The following IDH3G variants were observed in gnomAD, a reference collection of about 807,000 sequenced individuals.
The protein encoded by IDH3G is isocitrate dehydrogenase (NAD(+)) 3 non-catalytic subunit gamma.
Under a neutral mutation model 26.9 loss-of-function variants are expected in IDH3G, and 9 were observed. The ratio of observed to expected loss-of-function variants is 0.34; its 90% CI spans 0.20 to 0.58. The LOEUF is 0.58. Ranked by LOEUF, IDH3G falls within the 20% of genes least tolerant of loss-of-function variation. The probability of loss-of-function intolerance (pLI) is 0.85; values close to 1 mark genes in which losing one functional copy is unlikely to be tolerated. For missense variants in IDH3G, 250 were observed against 372.8 expected (o/e 0.67, Z 2.71); for synonymous variants, 181 against 160.0 (o/e 1.13, Z -0.99).
chrX:153,786,112 T>C, intron 12 of IDH3G, 100 bp downstream of exon 12: 2 of 1,195,859 alleles, frequency 1.7e-6, no homozygotes, highest in Non-Finnish European at 2.3e-6. Context: ...TCCAGTACCA[T>C]CCTCCCCTGG....
intron 4 of IDH3G, 118 bp from the exon 5 acceptor site, chrX:153,789,942 G>T: frequency 1.9e-6 from 1 of 521,917 alleles, no homozygotes; most frequent in Non-Finnish European, 3.3e-6. Context: ...TGACTGAGAA[G>T]GGACTGGGCC....
In IDH3G at chrX:153,789,992, A is replaced by AT. The variant is rs782481295; in HGVS notation, c.234-169dup. 1.9e-4 allele frequency: 92 copies of AT among 479,347 alleles called. No homozygotes were observed. The South Asian group carries it at 2.7e-3, about 14-fold the overall frequency. The allele number at this position is 479,347 out of a possible 1,213,427, so 39.5% of individuals were successfully genotyped here. On this transcript the variant is annotated intron_variant, in intron 4 of 12. Coordinates refer to ENST00000217901, the MANE Select transcript of IDH3G (RefSeq NM_004135.4). ...GATGGGGACACGCTTGAACTCCACAATGCACACTGTGGCAGGACTGGTGCC... is the reference window on the plus strand; with the variant it reads ...GATGGGGACACGCTTGAACTCCACAATTGCACACTGTGGCAGGACTGGTGCC...
chrX:153,788,782 CT>C (rs1467014564), intron 5 of IDH3G, among the ~76,000 whole-genome samples: 8 of 112,893 alleles, frequency 7.1e-5, no homozygotes, highest in Admixed American at 6.5e-4. Context: ...GGGCCTGGGG[CT>C]CCCCCTGGGT....
intron 12 of IDH3G, 90 bp from the exon 13 acceptor site, chrX:153,786,063 G>A: frequency 8.3e-7 from 1 of 1,203,838 alleles, no homozygotes; most frequent in East Asian, 3.0e-5. Flanking sequence ...GCCACAGGAG[G>A]GAAGTGGCAC....
chrX:153,790,173 CG>C, intron 4 of IDH3G, 21 bp downstream of exon 4: 1 of 1,164,712 alleles, frequency 8.6e-7, no homozygotes, highest in Non-Finnish European at 1.2e-6. Flanking sequence ...GAGGACAAGG[CG>C]GGGACCCAGG....
intron 10 of IDH3G, among the ~76,000 whole-genome samples, 156 bp downstream of exon 10, chrX:153,786,645 G>A (rs1412345178): frequency 8.9e-6 from 1 of 112,761 alleles, no homozygotes; most frequent in African/African-American, 3.2e-5. Context: ...AAAATGTTCT[G>A]GAATGACCTG....
At position 153,788,098 on chromosome X, in the gene IDH3G, G is replaced by T; in HGVS notation, c.384C>A (p.His128Gln). 8.3e-7 allele frequency: 1 copy of T among 1,212,039 alleles called. No homozygotes were observed. ...IETNHNLPPS[H>Q]KSRNNILRTS... Reference sequence around the variant, plus strand: ...ACCGAAGGATGTTGTTTCGAGATTTGTGCGACGGTGGCAGGTTATGGTTGG... The same window carrying T: ...ACCGAAGGATGTTGTTTCGAGATTTTTGCGACGGTGGCAGGTTATGGTTGG... The change falls in exon 6 of 13, where the codon CAC becomes CAA. Residue 128 changes from histidine (H) to glutamine (Q), a missense_variant. His to Gln is a conservative substitution (Grantham distance 24, BLOSUM62 0). This residue lies in a region of IDH3G where 201 missense variants were observed against 331.3 expected (regional missense o/e 0.61). Coordinates refer to ENST00000217901, the MANE Select transcript of IDH3G (RefSeq NM_004135.4).
At chrX:153,786,981 G>T in intron 9 of IDH3G, 34 bp from the exon 10 acceptor site, 1 of 1,203,381 alleles carries the variant, frequency 8.3e-7, no homozygotes, top group Non-Finnish European at 1.1e-6. Context: ...CTGAGGAGCA[G>T]ATTCGGAAGC....
In IDH3G at chrX:153,791,054, G is replaced by A. The variant is rs190768939; in HGVS notation, c.82-203C>T. On this transcript the variant is annotated intron_variant, in intron 1 of 12. Transcript: ENST00000217901. Reference sequence around the variant, plus strand: ...CTGGAGCACCTGGAAAGTAGAAGGCGCTCCAGCCTCCTGCCTCCTTCCGCT... The same window carrying A: ...CTGGAGCACCTGGAAAGTAGAAGGCACTCCAGCCTCCTGCCTCCTTCCGCT... 11 of 387,705 alleles carry A rather than the reference G, an allele frequency of 2.8e-5. No homozygotes were observed. In the East Asian group the frequency reaches 2.9e-4, roughly 10 times the overall value. 32.0% of individuals were successfully genotyped at this position (387,705 alleles called of 1,213,427 possible).
intron 3 of IDH3G, 21 bp downstream of exon 3, chrX:153,790,543 C>T (rs782203483): frequency 8.3e-7 from 1 of 1,199,817 alleles, no homozygotes; most frequent in Non-Finnish European, 1.1e-6. Context: ...CCAAACCTAA[C>T]AGGCAGAGAA....
chrX:153,793,551 A>C (rs1384448517), intron 1 of IDH3G: 1 of 112,231 alleles, frequency 8.9e-6, no homozygotes, highest in Non-Finnish European at 1.9e-5. Flanking sequence ...CATGGCCTAG[A>C]GGTCAAACCT....
At chrX:153,789,084 C>G (rs1260100585) in intron 5 of IDH3G, 3 of 340,124 alleles carry the variant, frequency 8.8e-6, no homozygotes, top group Non-Finnish European at 1.8e-5. Context: ...GAGCCCGTCA[C>G]TGGACAGGCT....
rs1557069576 is a variant in IDH3G at position 153,787,874 on chromosome X, G to A, written c.489C>T (p.Ile163=). ...CCTCTGTGTTCTCCCGGACAATGAG[G>A]ATGTCTATGTCCTTGTGCCGGGTCA... ...GVVTRHKDID[I]LIVRENTEGE... Residue 163 remains isoleucine (I), a synonymous_variant, in exon 7 of 13, where the codon ATC becomes ATT. Coordinates refer to ENST00000217901, the MANE Select transcript of IDH3G (RefSeq NM_004135.4). 3 of 1,209,086 alleles carry A rather than the reference G, an allele frequency of 2.5e-6. No individual in the cohort carries two copies. Among genetic ancestry groups the A allele is most frequent in the African/African-American group, 3.5e-5 (2 of 57,425 alleles).
chrX:153,789,492 C>T (rs782559985), intron 5 of IDH3G, among the ~76,000 whole-genome samples: 1 of 112,030 alleles, frequency 8.9e-6, no homozygotes, highest in Non-Finnish European at 1.9e-5. Flanking sequence ...TGCACTGAGC[C>T]GAGATCACAC....
chrX:153,785,893 GTTGATGACGC>G lies in IDH3G; in HGVS notation c.1151_1160del (p.Arg384ProfsTer?). The G allele has an allele frequency of 1.7e-6, 2 of 1,211,479 alleles. No individual in the cohort carries two copies. The highest frequency in any genetic ancestry group is 2.2e-6 in the Non-Finnish European group (2 of 895,523). On this transcript the variant is annotated frameshift_variant, in exon 13 of 13. Transcript: ENST00000217901. LOFTEE classifies it high-confidence loss of function. The stretch of plus-strand genomic sequence containing the variant: ...CAGCCTAGGCCTCCACGGCCCGGCC[GTTGATGACGC>G]GGATGTGGCGGATGACGTCCTGGAT...
At chrX:153,791,157 T>G in intron 1 of IDH3G, 79 of 278,659 alleles carry the variant, frequency 2.8e-4, no homozygotes, top group East Asian at 4.3e-4. Flanking sequence ...TGGCCAGTTA[T>G]TCCCGCTCAG....
chrX:153,785,916 T>C lies in IDH3G; in HGVS notation c.1138A>G (p.Ile380Val). The C allele has an allele frequency of 8.3e-7, 1 of 1,211,270 alleles. No homozygotes were observed. Among genetic ancestry groups the C allele is most frequent in the Non-Finnish European group, 1.1e-6 (1 of 895,523 alleles). ...GTTSEAIQDV[I>V]RHIRVINGRA... Reference sequence around the variant, plus strand: ...CCGTTGATGACGCGGATGTGGCGGATGACGTCCTGGATGGCTTCAGATGTT... The same window carrying C: ...CCGTTGATGACGCGGATGTGGCGGACGACGTCCTGGATGGCTTCAGATGTT... Residue 380 changes from isoleucine (I) to valine (V), a missense_variant, in exon 13 of 13, where the codon ATC (isoleucine) becomes GTC (valine). Ile to Val is a conservative substitution (Grantham distance 29). This residue lies in a region of IDH3G where 201 missense variants were observed against 331.3 expected (regional missense o/e 0.61). Coordinates refer to ENST00000217901, the MANE Select transcript of IDH3G (RefSeq NM_004135.4).
At chrX:153,791,067 G>T in intron 1 of IDH3G, 1 of 374,936 alleles carries the variant, frequency 2.7e-6, no homozygotes. Context: ...CCAGCCTCCT[G>T]CCTCCTTCCG....
chrX:153,788,576 C>T (rs1189474657), intron 5 of IDH3G, among the ~76,000 whole-genome samples: 3 of 112,893 alleles, frequency 2.7e-5, no homozygotes, highest in African/African-American at 9.6e-5. Flanking sequence ...GAGAAGGCCA[C>T]GGATTGGCCG....
Sources: allele counts gnomAD v4.1 joint callset (sites outside exome capture counted in the v4.1 genomes callset), GRCh38; gene constraint gnomAD v4.1.1; regional missense constraint gnomAD v4.1.1; transcripts MANE v1.5; gene names NCBI Gene and HGNC (gene_info 2026-07-23, HGNC 2026-07-21).